PCDHA2: variants seen among roughly 807,000 people sequenced by gnomAD.
PCDHA2 encodes the protein protocadherin alpha-2.
In PCDHA2, 58 loss-of-function variants were observed where a neutral mutation model predicts 66.0. That is an observed-to-expected ratio of 0.88 (90% CI 0.71 to 1.09). The LOEUF is 1.09. PCDHA2 is among the 50% of genes least tolerant of loss of function. The pLI, the probability that PCDHA2 is intolerant of heterozygous loss-of-function variation, is 0.00. For synonymous variants in PCDHA2, 634 were observed against 554.0 expected, an observed-to-expected ratio of 1.14 and a Z score of -2.03; for missense variants, 1,267 against 1,242.3, an observed-to-expected ratio of 1.02 and a Z score of -0.30.
intron 1 of PCDHA2, chr5:140,834,288 A>G: frequency 3.4e-6 from 4 of 1,183,556 alleles, no homozygotes; most frequent in Non-Finnish European, 3.6e-6. Flanking sequence ...ATGCACAACA[A>G]TGGCCACACA....
chr5:140,968,025 C>T lies in PCDHA2; in HGVS notation c.2389-10924C>T, dbSNP rs782679458. ...CTGAATGGCTTTGGAAACTCCTATA[C>T]ACTGGTGGTGAGCGGCCCACTGGAC... On this transcript the variant is annotated intron_variant, in intron 1 of 3. Coordinates refer to ENST00000526136, the MANE Select transcript of PCDHA2 (RefSeq NM_018905.3). 4.3e-6 allele frequency: 7 copies of T among 1,614,200 alleles called. No individual in the cohort carries two copies. In the South Asian group the frequency reaches 6.6e-5, roughly 15 times the overall value.
At chr5:140,985,217 G>A (rs1196051994) in intron 3 of PCDHA2, among the ~76,000 whole-genome samples, 3 of 152,206 alleles carry the variant, frequency 2.0e-5, no homozygotes, top group Admixed American at 1.3e-4. Context: ...GATTACAGGC[G>A]TGAGCCACCG....
chr5:140,889,766 A>T (rs2062380294), intron 1 of PCDHA2, among the ~76,000 whole-genome samples: 1 of 152,064 alleles, frequency 6.6e-6, no homozygotes, highest in Non-Finnish European at 1.5e-5. Flanking sequence ...TTGAACTTTG[A>T]CTGGTCTTAA....
chr5:140,843,708 G>T (rs2150365442), intron 1 of PCDHA2: 8 of 1,577,200 alleles, frequency 5.1e-6, no homozygotes, highest in African/African-American at 1.3e-5. Context: ...GTTGATCATG[G>T]CCTCAAAGTA....
intron 1 of PCDHA2, chr5:140,870,927 T>C (rs782446287): frequency 1.9e-6 from 3 of 1,613,880 alleles, no homozygotes; most frequent in Non-Finnish European, 2.5e-6. Context: ...GGCTTTCATA[T>C]GAATTGCAGC....
intron 1 of PCDHA2, chr5:140,967,457 G>A: frequency 6.2e-7 from 1 of 1,613,614 alleles, no homozygotes; most frequent in Non-Finnish European, 8.5e-7. Context: ...CACAGCCGTG[G>A]ATGGGGGCAT....
chr5:140,809,263 G>C, intron 1 of PCDHA2: 1 of 1,614,110 alleles, frequency 6.2e-7, no homozygotes, highest in Non-Finnish European at 8.5e-7. Flanking sequence ...CCGATGCTGC[G>C]CTGGTGGATG....
chr5:141,005,662 A>G (rs2098227817), intron 3 of PCDHA2, among the ~76,000 whole-genome samples: 1 of 138,324 alleles, frequency 7.2e-6, no homozygotes, highest in East Asian at 2.2e-4. Context: ...AGATCGCGCC[A>G]CTGCACTCCA....
At chr5:140,822,402 A>G (rs2150116110) in intron 1 of PCDHA2, 3 of 1,614,150 alleles carry the variant, frequency 1.9e-6, no homozygotes, top group Non-Finnish European at 2.5e-6. Context: ...AACACCGTTT[A>G]TTAGTGATTG....
intron 1 of PCDHA2, chr5:140,850,732 G>A (rs1320738084): frequency 6.3e-7 from 1 of 1,597,840 alleles, no homozygotes; most frequent in Non-Finnish European, 8.6e-7. Context: ...AGCGCGGTGG[G>A]GAGTTGGTCG....
intron 1 of PCDHA2, chr5:140,969,509 C>A: frequency 7.1e-7 from 1 of 1,416,136 alleles, no homozygotes; most frequent in Non-Finnish European, 9.4e-7. Context: ...AAAAATAGCA[C>A]TAAAGAATTG....
In PCDHA2 at chr5:140,830,227, C is replaced by G. The variant is rs2150183026; in HGVS notation, c.2388+32875C>G. 2.1e-5 allele frequency: 34 copies of G among 1,613,900 alleles called. No individual in the cohort carries two copies. The African/African-American group carries it at 3.6e-4, about 17-fold the overall frequency. ...TCTGCGCGGTATCCAGCCTGCTGGT[C>G]CTCACGCTACTGCTGTACACAGCGC... On this transcript the variant is annotated intron_variant, in intron 1 of 3. Coordinates refer to ENST00000526136, the MANE Select transcript of PCDHA2 (RefSeq NM_018905.3).
intron 1 of PCDHA2, among the ~76,000 whole-genome samples, chr5:140,827,368 A>C (rs1554130769): frequency 6.6e-6 from 1 of 152,204 alleles, no homozygotes; most frequent in Non-Finnish European, 1.5e-5. Context: ...TTAAGCAAGA[A>C]TCCTAATATA....
At position 140,802,463 on chromosome 5, in the gene PCDHA2, G is replaced by T. The variant is rs781868454; in HGVS notation, c.2388+5111G>T. On this transcript the variant is annotated intron_variant, in intron 1 of 3. Transcript: ENST00000526136. The stretch of plus-strand genomic sequence containing the variant: ...ACCGCGAGAGCGTGTCGGCCTATGA[G>T]CTGGTGGTGACTGCTCGGGACGGGG... The T allele has an allele frequency of 1.9e-6, 3 of 1,614,092 alleles. No homozygotes were observed. The highest frequency in any genetic ancestry group is 2.5e-6 in the Non-Finnish European group (3 of 1,180,042).
At chr5:140,836,844 T>C (rs2150270736) in intron 1 of PCDHA2, 26 of 827,138 alleles carry the variant, frequency 3.1e-5, no homozygotes, top group African/African-American at 6.9e-5. Flanking sequence ...GCTTTATGTA[T>C]AATTATTATT....
chr5:140,926,325 T>C (rs1441503834), intron 1 of PCDHA2: 1 of 151,866 alleles, frequency 6.6e-6, no homozygotes, highest in African/African-American at 2.4e-5. Flanking sequence ...TGCGCCGGGG[T>C]CAGAGCGCCG....
intron 3 of PCDHA2, among the ~76,000 whole-genome samples, chr5:141,003,397 C>T (rs370088269): frequency 2.0e-5 from 3 of 152,086 alleles, no homozygotes; most frequent in African/African-American, 4.8e-5. Flanking sequence ...CTGAAACCTC[C>T]GCCTCCCGGG....
chr5:140,840,691 C>T (rs886762733), intron 1 of PCDHA2, among the ~76,000 whole-genome samples: 1 of 151,924 alleles, frequency 6.6e-6, no homozygotes, highest in Non-Finnish European at 1.5e-5. Context: ...GTAAATAAAA[C>T]GGTTCAGGCA....
intron 1 of PCDHA2, chr5:140,870,708 C>A (rs781841032): frequency 1.9e-6 from 3 of 1,613,016 alleles, no homozygotes; most frequent in East Asian, 4.5e-5. Context: ...TCCAGGTGAG[C>A]GCGCGCGATG....
Sources: gnomAD v4.1 joint callset for allele counts (sites outside exome capture counted in the v4.1 genomes callset) on GRCh38, gnomAD v4.1.1 for gene constraint, MANE v1.5 for transcripts, NCBI Gene and HGNC (gene_info 2026-07-23, HGNC 2026-07-21) for gene names.